The following EMSY variants were observed in gnomAD, a reference collection of about 807,000 sequenced individuals.
EMSY encodes the protein EMSY transcriptional repressor, BRCA2 interacting, also known as BRCA2-interacting transcriptional repressor EMSY.
EMSY carries 26 observed loss-of-function variants against 134.6 expected under a neutral mutation model. The observed-to-expected ratio is 0.19, with a 90% CI of 0.14 to 0.27. EMSY has a LOEUF of 0.27. Among genes scored for constraint, EMSY ranks in the 10% least tolerant of loss-of-function variants. The pLI is 1.00. For missense variants in EMSY, 1,305 were observed against 1,611.4 expected (o/e 0.81, Z 3.26); for synonymous variants, 579 against 577.8 (o/e 1.00, Z -0.03).
exon 19 of EMSY, chr11:76,544,469 A>G (rs1249767512): frequency 1.4e-5 from 22 of 1,614,148 alleles, no homozygotes; most frequent in Non-Finnish European, 1.9e-5. Flanking sequence ...GTGCTTCCAG[A>G]CTAAACAGAA....
chr11:76,536,648 A>G (rs1304238187), intron 15 of EMSY, among the ~76,000 whole-genome samples: 1 of 152,246 alleles, frequency 6.6e-6, no homozygotes, highest in African/African-American at 2.4e-5. Flanking sequence ...AATATCTTTG[A>G]TAAACTCTAG....
intron 2 of EMSY, among the ~76,000 whole-genome samples, chr11:76,450,684 G>A (rs542411667): frequency 6.6e-6 from 1 of 151,866 alleles, no homozygotes; most frequent in South Asian, 2.1e-4. Context: ...TAGGGATGGG[G>A]TCTTGCCATG....
intron 13 of EMSY, among the ~76,000 whole-genome samples, chr11:76,528,023 C>A (rs1182374468): frequency 6.6e-6 from 1 of 151,972 alleles, no homozygotes; most frequent in Non-Finnish European, 1.5e-5. Flanking sequence ...CAAACAGGCA[C>A]AAAGGTTCTT....
At chr11:76,473,717 C>T (rs746749867) in intron 8 of EMSY, among the ~76,000 whole-genome samples, 2 of 152,100 alleles carry the variant, frequency 1.3e-5, no homozygotes, top group Non-Finnish European at 2.9e-5. Flanking sequence ...AGGCCGGGCA[C>T]AGTGGCTCAC....
chr11:76,510,077 G>A (rs1950220573), intron 9 of EMSY, among the ~76,000 whole-genome samples: 1 of 152,116 alleles, frequency 6.6e-6, no homozygotes, highest in South Asian at 2.1e-4. Context: ...TAAACTGGCT[G>A]TGTTTGGTGG....
In EMSY at chr11:76,494,209, C is replaced by A. The variant is rs367993466; in HGVS notation, c.1109-2006C>A. On this transcript the variant is annotated intron_variant, in intron 8 of 20. Coordinates refer to ENST00000334736, the Ensembl canonical transcript of EMSY. ...CGGGCCGGTAGCACGAGCCAAGCAC[C>A]GCCTGCAGGGACAAGTGGACAGAAT... Among the ~76,000 whole-genome samples, 10 of 152,336 alleles carry A rather than the reference C, an allele frequency of 6.6e-5. No individual in the cohort carries two copies. In the South Asian group the frequency reaches 2.1e-3, roughly 32 times the overall value.
chr11:76,512,174 A>T (rs184964355), intron 9 of EMSY, among the ~76,000 whole-genome samples: 2 of 152,216 alleles, frequency 1.3e-5, no homozygotes, highest in African/African-American at 4.8e-5. Context: ...GTGGGGAAAG[A>T]GTGTTACCAA....
intron 8 of EMSY, among the ~76,000 whole-genome samples, chr11:76,492,708 A>G (rs1055345216): frequency 7.9e-5 from 12 of 152,096 alleles, no homozygotes; most frequent in Non-Finnish European, 1.6e-4. Context: ...CTCTCTTCTG[A>G]GTTGGCAGGG....
At chr11:76,550,024 C>T (rs1033445807) in exon 21 of EMSY, 11 of 1,613,896 alleles carry the variant, frequency 6.8e-6, no homozygotes, top group Non-Finnish European at 9.3e-6. Flanking sequence ...GCTTCTTGAG[C>T]TAAACAACTT....
chr11:76,474,499 A>T (rs1308422806), intron 8 of EMSY, among the ~76,000 whole-genome samples: 1 of 152,182 alleles, frequency 6.6e-6, no homozygotes, highest in Non-Finnish European at 1.5e-5. Flanking sequence ...TGCTTTAATG[A>T]TGTATTATGT....
chr11:76,490,855 G>GGTGTGTGTGT (rs61555535), intron 8 of EMSY, among the ~76,000 whole-genome samples: 1 of 148,596 alleles, frequency 6.7e-6, no homozygotes, highest in Non-Finnish European at 1.5e-5. Context: ...ATTGCTAGGG[G>GGTGTGTGTGT]GTGTGTGTGT....
chr11:76,550,018 C>T, exon 21 of EMSY: 1 of 1,613,886 alleles, frequency 6.2e-7, no homozygotes, highest in East Asian at 2.2e-5. Flanking sequence ...CAGTGGGCTT[C>T]TTGAGCTAAA....
chr11:76,467,549 G>GGTAC (rs1948402030), intron 7 of EMSY, among the ~76,000 whole-genome samples: 1 of 152,174 alleles, frequency 6.6e-6, no homozygotes, highest in Non-Finnish European at 1.5e-5. Context: ...ATTCTTCAAT[G>GGTAC]TATTCCCTAG....
At chr11:76,504,656 A>G (rs1396014255) in intron 9 of EMSY, among the ~76,000 whole-genome samples, 2 of 152,200 alleles carry the variant, frequency 1.3e-5, no homozygotes, top group African/African-American at 2.4e-5. Flanking sequence ...GAATTAACAT[A>G]TGATCCTGAG....
intron 8 of EMSY, among the ~76,000 whole-genome samples, chr11:76,494,587 G>A (rs1228669534): frequency 6.6e-6 from 1 of 152,150 alleles, no homozygotes; most frequent in Non-Finnish European, 1.5e-5. Flanking sequence ...AGTAATGGAA[G>A]TAAGCCTTCC....
intron 7 of EMSY, among the ~76,000 whole-genome samples, chr11:76,466,050 G>A (rs1281211500): frequency 6.6e-6 from 1 of 152,096 alleles, no homozygotes; most frequent in African/African-American, 2.4e-5. Context: ...GGGCTGGGTG[G>A]GCTCACCATT....
intron 2 of EMSY, among the ~76,000 whole-genome samples, chr11:76,449,479 A>C (rs1253412763): frequency 1.3e-5 from 2 of 152,206 alleles, no homozygotes; most frequent in African/African-American, 2.4e-5. Flanking sequence ...TCTCTGAAGT[A>C]ATGTCTTGAT....
intron 9 of EMSY, among the ~76,000 whole-genome samples, chr11:76,506,280 A>G (rs1005841789): frequency 8.5e-5 from 13 of 152,222 alleles, no homozygotes; most frequent in Non-Finnish European, 1.9e-4. Context: ...TTGGTTATCA[A>G]TATATTGTAT....
chr11:76,475,533 A>G (rs1948739935), intron 8 of EMSY, among the ~76,000 whole-genome samples: 2 of 152,352 alleles, frequency 1.3e-5, no homozygotes, highest in South Asian at 2.1e-4. Flanking sequence ...GACATCTCAG[A>G]GATTTCTCTT....
Sources: allele counts gnomAD v4.1 joint callset (sites outside exome capture counted in the v4.1 genomes callset), GRCh38; gene constraint gnomAD v4.1.1; transcripts MANE v1.5; gene names NCBI Gene and HGNC (gene_info 2026-07-23, HGNC 2026-07-21).